Variants in QKI observed in about 807,000 individuals in gnomAD.
QKI encodes QKI, KH domain containing RNA binding.
A neutral mutation model predicts 39.0 loss-of-function variants in QKI; 10 were observed. That is an observed-to-expected ratio of 0.26 (90% confidence interval 0.16 to 0.43). The LOEUF (loss-of-function observed/expected upper bound fraction) is 0.43, where lower values mean the gene tolerates loss of function less well. Among genes scored for constraint, QKI ranks in the 20% least tolerant of loss-of-function variants. QKI has a pLI of 1.00. For synonymous variants in QKI, 204 were observed against 155.4 expected, an observed-to-expected ratio of 1.31 and a Z score of -2.33; for missense variants, 218 against 428.0, an observed-to-expected ratio of 0.51 and a Z score of 4.33.
intron 3 of QKI, among the ~76,000 whole-genome samples, chr6:163,527,109 C>T (rs546085748): frequency 1.6e-4 from 25 of 152,226 alleles, no homozygotes; most frequent in Middle Eastern, 3.4e-3. Flanking sequence ...ATGATTTCAA[C>T]GGACTGAATA....
rs76317017 is a variant in QKI, at chr6:163,487,133, G to T, written c.402+8237G>T. On this transcript the variant is annotated intron_variant, in intron 3 of 7. Coordinates refer to ENST00000361752, the MANE Select transcript of QKI (RefSeq NM_006775.3). The stretch of plus-strand genomic sequence containing the variant: ...AGGGTTCCAAACAGCCTGTTTTATC[G>T]ATCTTGTTGAATACTTAGCTCTCTG... Among the ~76,000 whole-genome samples the T allele has an allele frequency of 3.1e-3, 473 of 152,110 alleles. 3 individuals are homozygous for T. Among genetic ancestry groups the T allele is most frequent in the African/African-American group, 0.011 (448 of 41,502 alleles).
intron 4 of QKI, among the ~76,000 whole-genome samples, chr6:163,541,981 T>A (rs1045482562): frequency 6.6e-6 from 1 of 151,964 alleles, no homozygotes; most frequent in South Asian, 2.1e-4. Flanking sequence ...GGCTGGTTAC[T>A]TGCAACTGCA....
chr6:163,573,915 A>G lies in QKI; in HGVS notation c.*3205A>G, dbSNP rs957565190. The G allele has an allele frequency of 6.6e-6, 1 of 152,190 alleles. No homozygotes were observed. The highest frequency in any genetic ancestry group is 1.5e-5 in the Non-Finnish European group (1 of 68,036). The allele number at this position is 152,190 out of a possible 1,614,324, so 9.4% of individuals were successfully genotyped here. On this transcript the variant is annotated 3_prime_UTR_variant, in exon 8 of 8. Coordinates refer to ENST00000361752, the MANE Select transcript of QKI (RefSeq NM_006775.3). ...CTAACCCTGAAGAACGTGACCACAG[A>G]TAACATAGTGTGACTTGTTTTTATG...
chr6:163,554,500 C>G (rs1782460729), intron 4 of QKI, among the ~76,000 whole-genome samples: 1 of 152,182 alleles, frequency 6.6e-6, no homozygotes, highest in African/African-American at 2.4e-5. Context: ...ATTTTTCTAC[C>G]AGCTGTATAG....
At chr6:163,542,322 A>T (rs889202267) in intron 4 of QKI, among the ~76,000 whole-genome samples, 17 of 152,044 alleles carry the variant, frequency 1.1e-4, no homozygotes, top group African/African-American at 3.9e-4. Flanking sequence ...ATATGGATAC[A>T]TATTCTATGA....
At chr6:163,498,723 G>A (rs1241185865) in intron 3 of QKI, among the ~76,000 whole-genome samples, 1 of 152,044 alleles carries the variant, frequency 6.6e-6, no homozygotes, top group African/African-American at 2.4e-5. Context: ...ATTAAAAACT[G>A]ATTCTAGATA....
At chr6:163,419,541 G>T (rs1787824584) in intron 1 of QKI, among the ~76,000 whole-genome samples, 1 of 152,144 alleles carries the variant, frequency 6.6e-6, no homozygotes, top group Admixed American at 6.5e-5. Flanking sequence ...ATTAGTTGTA[G>T]CAAGAAGGAA....
intron 3 of QKI, among the ~76,000 whole-genome samples, chr6:163,525,461 C>T: frequency 6.8e-6 from 1 of 146,904 alleles, no homozygotes; most frequent in Non-Finnish European, 1.5e-5. Context: ...CGAATTCAAG[C>T]AGTTCTCCTG....
intron 3 of QKI, among the ~76,000 whole-genome samples, chr6:163,503,237 C>T (rs565372418): frequency 2.4e-4 from 36 of 151,348 alleles, no homozygotes; most frequent in African/African-American, 7.8e-4. Context: ...CTGCCTCTGC[C>T]TCCCAAAGTG....
intron 6 of QKI, chr6:163,564,849 T>G: frequency 6.7e-7 from 1 of 1,481,732 alleles, no homozygotes; most frequent in Non-Finnish European, 9.0e-7. Flanking sequence ...ATGACCTTGG[T>G]GCTGCATGCA....
intron 1 of QKI, among the ~76,000 whole-genome samples, chr6:163,425,442 T>C (rs1788333231): frequency 6.6e-6 from 1 of 152,156 alleles, no homozygotes. Context: ...TCTTTAAGGC[T>C]TGGATTATTT....
At chr6:163,455,508 T>A in intron 2 of QKI, 87 bp downstream of exon 2, 2 of 1,303,130 alleles carry the variant, frequency 1.5e-6, no homozygotes, top group South Asian at 3.0e-5. Flanking sequence ...ACTTAAGCAT[T>A]ATTAGCCACT....
intron 1 of QKI, among the ~76,000 whole-genome samples, chr6:163,447,778 T>C (rs1015182113): frequency 6.6e-6 from 1 of 152,208 alleles, no homozygotes; most frequent in Non-Finnish European, 1.5e-5. Context: ...CAATGAATTA[T>C]AACATCTTTA....
chr6:163,486,873 T>G (rs1468503739), intron 3 of QKI, among the ~76,000 whole-genome samples: 1 of 152,198 alleles, frequency 6.6e-6, no homozygotes, highest in Non-Finnish European at 1.5e-5. Flanking sequence ...GCTTTATGCC[T>G]AAGACTGTGA....
chr6:163,446,802 T>TCC (rs1204231215), intron 1 of QKI, among the ~76,000 whole-genome samples: 1 of 152,168 alleles, frequency 6.6e-6, no homozygotes, highest in African/African-American at 2.4e-5. Context: ...CCCCACCAAG[T>TCC]CCCCCGCTCT....
rs776578775 is a variant in QKI at position 163,578,255 on chromosome 6, A to T, written c.*7545A>T. On this transcript the variant is annotated 3_prime_UTR_variant, in exon 8 of 8. Transcript: ENST00000361752. ...AAGGTTATTACAAGAAAAATGATGA[A>T]GAGCAAAAGGAGAAGAAAATATTTG... 6.6e-6 allele frequency: 1 copy of T among 152,114 alleles called. No homozygotes were observed. Among genetic ancestry groups the T allele is most frequent in the Non-Finnish European group, 1.5e-5 (1 of 68,018 alleles). 9.4% of individuals were successfully genotyped at this position (152,114 alleles called of 1,614,324 possible). A position where few individuals can be genotyped will look rare whatever the true frequency, so the allele number is the denominator to read the frequency against.
chr6:163,480,113 T>G (rs140498549), intron 3 of QKI, among the ~76,000 whole-genome samples: 178 of 152,356 alleles, frequency 1.2e-3, no homozygotes, highest in Admixed American at 2.3e-3. Context: ...TTACCTAGTT[T>G]GTCTTACCCA....
At chr6:163,536,437 T>C (rs564385260) in intron 4 of QKI, among the ~76,000 whole-genome samples, 1 of 152,334 alleles carries the variant, frequency 6.6e-6, no homozygotes, top group East Asian at 1.9e-4. Context: ...AAATATATGT[T>C]GATCAACTGT....
intron 3 of QKI, among the ~76,000 whole-genome samples, chr6:163,518,560 T>C (rs1779968355): frequency 6.6e-6 from 1 of 152,196 alleles, no homozygotes; most frequent in Non-Finnish European, 1.5e-5. Context: ...TTAAAAACCT[T>C]ATGAACATTT....
Sources: gnomAD v4.1 joint callset for allele counts (sites outside exome capture counted in the v4.1 genomes callset) on GRCh38, gnomAD v4.1.1 for gene constraint, MANE v1.5 for transcripts, NCBI Gene and HGNC (gene_info 2026-07-23, HGNC 2026-07-21) for gene names.